Variants in CDH4 observed in about 807,000 individuals in gnomAD.
The protein encoded by CDH4 is cadherin 4.
In CDH4, 33 loss-of-function variants were observed where a neutral mutation model predicts 86.0. The observed-to-expected ratio is 0.38, with a 90% confidence interval of 0.29 to 0.51. The LOEUF (loss-of-function observed/expected upper bound fraction) is 0.51, where lower values mean the gene tolerates loss of function less well. CDH4 is among the 20% of genes least tolerant of loss of function. The probability of loss-of-function intolerance (pLI) is 0.86; values close to 1 mark genes in which losing one functional copy is unlikely to be tolerated. For synonymous variants in CDH4, 555 were observed against 549.4 expected, an observed-to-expected ratio of 1.01 and a Z score of -0.14; for missense variants, 1,114 against 1,307.4, an observed-to-expected ratio of 0.85 and a Z score of 2.28.
chr20:61,680,316 C>G (rs540223992), intron 2 of CDH4, among the ~76,000 whole-genome samples: 1 of 152,230 alleles, frequency 6.6e-6, no homozygotes, highest in Non-Finnish European at 1.5e-5. Flanking sequence ...CTGTGGGACC[C>G]GCACTAGGGC....
intron 2 of CDH4, among the ~76,000 whole-genome samples, chr20:61,558,256 C>T (rs900025176): frequency 6.6e-6 from 1 of 152,158 alleles, no homozygotes; most frequent in Non-Finnish European, 1.5e-5. Flanking sequence ...CAAGAATTCA[C>T]ACCAAGAACC....
In CDH4 at chr20:61,494,944, C is replaced by T. The variant is rs529648784; in HGVS notation, c.169+240007C>T. Among the ~76,000 whole-genome samples the T allele has an allele frequency of 2.6e-5, 4 of 152,346 alleles. No homozygotes were observed. The East Asian group carries it at 5.8e-4, about 22-fold the overall frequency. Reference sequence around the variant, plus strand: ...CCTGCACTCTTTGGCGTGGGCCCTCCGCCAGATGCCATGCCCTGCACTGGG... The same window carrying T: ...CCTGCACTCTTTGGCGTGGGCCCTCTGCCAGATGCCATGCCCTGCACTGGG... On this transcript the variant is annotated intron_variant, in intron 2 of 15. Coordinates refer to ENST00000614565, the MANE Select transcript of CDH4 (RefSeq NM_001794.5).
At chr20:61,804,740 A>G (rs1049011590) in intron 4 of CDH4, among the ~76,000 whole-genome samples, 1 of 152,210 alleles carries the variant, frequency 6.6e-6, no homozygotes, top group Non-Finnish European at 1.5e-5. Flanking sequence ...CCCCGTGTGG[A>G]GGCATCACCA....
chr20:61,501,749 G>A lies in CDH4; in HGVS notation c.170-241814G>A, dbSNP rs552648699. On this transcript the variant is annotated intron_variant, in intron 2 of 15. Transcript: ENST00000614565. This position sits in a 1 kb window ranked among gnomAD's most constrained non-coding sequence, Gnocchi z 4.2. ...CACCCCGCCACTGCCTCCACCATTC[G>A]TTAGGGAGCCACTCATTATGGGACG... Among the ~76,000 whole-genome samples, 7 of 152,222 alleles carry A rather than the reference G, an allele frequency of 4.6e-5. No homozygotes were observed. In the South Asian group the frequency reaches 1.2e-3, roughly 27 times the overall value.
intron 2 of CDH4, among the ~76,000 whole-genome samples, chr20:61,317,045 T>C (rs1771979117): frequency 6.6e-6 from 1 of 151,958 alleles, no homozygotes; most frequent in Admixed American, 6.6e-5. Context: ...TATATACTTA[T>C]TATTTTTATT....
At chr20:61,385,465 C>G (rs10211803) in intron 2 of CDH4, among the ~76,000 whole-genome samples, 1 of 87,030 alleles carries the variant, frequency 1.1e-5, no homozygotes, top group Admixed American at 9.5e-5. Context: ...GCCCCCCGCC[C>G]CCTTGGATTG....
rs141437783 is a variant in CDH4 at position 61,585,575 on chromosome 20, A to C, written c.170-157988A>C. Among the ~76,000 whole-genome samples the C allele has an allele frequency of 3.3e-4, 50 of 152,358 alleles. 1 individual carries two copies. Among genetic ancestry groups the C allele is most frequent in the African/African-American group, 1.2e-3 (48 of 41,592 alleles). ...TTTAATAGGAATTTATTGAGAATCT[A>C]TTGTTGGATACTCCCGAACTTGGTG... On this transcript the variant is annotated intron_variant, in intron 2 of 15. Transcript: ENST00000614565.
At chr20:61,838,037 T>C (rs1245095981) in intron 4 of CDH4, among the ~76,000 whole-genome samples, 1 of 151,700 alleles carries the variant, frequency 6.6e-6, no homozygotes, top group East Asian at 1.9e-4. Flanking sequence ...CACCGTTTTT[T>C]CCTCTGGGTC....
intron 2 of CDH4, among the ~76,000 whole-genome samples, chr20:61,391,814 G>T (rs557944426): frequency 6.6e-6 from 1 of 152,306 alleles, no homozygotes; most frequent in East Asian, 1.9e-4. Context: ...CATCCAATTT[G>T]CTGGTGTCAG....
Position 61,834,598 on chromosome 20 carries a change from G to A in CDH4, c.577-10070G>A, listed in dbSNP as rs1366791294. ...TAAATATCAATGAAGGTTTTCTGAC[G>A]AGACTCCTGACTTCTCATGTTGGAG... is the stretch of plus-strand genomic sequence containing the variant. On this transcript the variant is annotated intron_variant, in intron 4 of 15. Coordinates refer to ENST00000614565, the MANE Select transcript of CDH4 (RefSeq NM_001794.5). 2.6e-5 allele frequency among the ~76,000 whole-genome samples: 4 copies of A among 152,318 alleles called. No individual in the cohort carries two copies. In the South Asian group the frequency reaches 6.2e-4, roughly 24 times the overall value.
intron 5 of CDH4, among the ~76,000 whole-genome samples, chr20:61,845,452 G>A (rs1475083423): frequency 6.6e-6 from 1 of 152,162 alleles, no homozygotes; most frequent in Non-Finnish European, 1.5e-5. Context: ...AACTGACCCT[G>A]GCCGAGAGGA....
intron 2 of CDH4, among the ~76,000 whole-genome samples, chr20:61,335,109 T>C (rs1197279489): frequency 3.3e-5 from 5 of 152,188 alleles, no homozygotes; most frequent in Admixed American, 2.6e-4. Flanking sequence ...TGAGCCACTT[T>C]ACAGAGTTGG....
intron 2 of CDH4, among the ~76,000 whole-genome samples, chr20:61,581,308 T>C (rs956400491): frequency 4.6e-5 from 7 of 152,160 alleles, no homozygotes; most frequent in Non-Finnish European, 1.0e-4. Context: ...AGCGGTTTGT[T>C]CTCTTGCAGT....
Position 61,424,294 on chromosome 20 carries a change from AAC to A in CDH4, c.169+169362_169+169363del, listed in dbSNP as rs969420251. On this transcript the variant is annotated intron_variant, in intron 2 of 15. Transcript: ENST00000614565. ...TCCACATACAACACACATGTATCCA[AAC>A]ACACTCATATCCACACACATCCACA... Among the ~76,000 whole-genome samples, 17 of 150,786 alleles carry A rather than the reference AAC, an allele frequency of 1.1e-4. No individual in the cohort carries two copies. The East Asian group carries it at 1.6e-3, about 14-fold the overall frequency.
chr20:61,877,361 C>T (rs1984074933), intron 7 of CDH4, among the ~76,000 whole-genome samples: 1 of 127,800 alleles, frequency 7.8e-6, no homozygotes, highest in South Asian at 2.9e-4. Context: ...GCGGTACCCA[C>T]CCCCCACCCC....
intron 2 of CDH4, among the ~76,000 whole-genome samples, chr20:61,327,756 C>T (rs1196929532): frequency 6.6e-6 from 1 of 151,972 alleles, no homozygotes; most frequent in Non-Finnish European, 1.5e-5. Flanking sequence ...ATAGATGTAC[C>T]CACAGGTGTG....
intron 2 of CDH4, among the ~76,000 whole-genome samples, chr20:61,449,859 G>C (rs565437773): frequency 6.6e-6 from 1 of 152,102 alleles, no homozygotes; most frequent in Non-Finnish European, 1.5e-5. Flanking sequence ...GGTATTTTGT[G>C]GTACTTCATA....
chr20:61,513,344 TAACTTCCTTC>T (rs1449749445), intron 2 of CDH4, among the ~76,000 whole-genome samples: 1 of 152,244 alleles, frequency 6.6e-6, no homozygotes, highest in East Asian at 1.9e-4. Flanking sequence ...CTGCGGGGGC[TAACTTCCTTC>T]TGGAACGGAC....
At chr20:61,885,626 T>G (rs1984508004) in intron 7 of CDH4, among the ~76,000 whole-genome samples, 1 of 152,206 alleles carries the variant, frequency 6.6e-6, no homozygotes, top group South Asian at 2.1e-4. Context: ...AACCCCTGGT[T>G]TGAGCTCTTT....
Sources: allele counts gnomAD v4.1 joint callset (sites outside exome capture counted in the v4.1 genomes callset), GRCh38; gene constraint gnomAD v4.1.1; non-coding constraint Gnocchi (gnomAD v3.1); transcripts MANE v1.5; gene names NCBI Gene and HGNC (gene_info 2026-07-23, HGNC 2026-07-21).